Variants in IAH1 observed in about 807,000 individuals in gnomAD.
IAH1 encodes isoamyl acetate hydrolyzing esterase 1 (putative).
Under a neutral mutation model 26.7 loss-of-function variants are expected in IAH1, and 24 were observed. That is an observed-to-expected ratio of 0.90 (90% CI 0.65 to 1.26). IAH1 has a LOEUF of 1.26. Among genes scored for constraint, IAH1 ranks in the 50% most tolerant of loss-of-function variants. The pLI, the probability that IAH1 is intolerant of heterozygous loss-of-function variation, is 0.00. For synonymous variants in IAH1, 140 were observed against 118.5 expected (o/e 1.18, Z -1.18); for missense variants, 300 against 299.9 (o/e 1.00, Z 0.00).
downstream of IAH1, chr2:9,490,076 A>T: frequency 8.8e-7 from 1 of 1,133,332 alleles, no homozygotes; most frequent in Non-Finnish European, 1.2e-6. Flanking sequence ...GCATCTGCTA[A>T]GTCACTTCCC....
chr2:9,495,693 G>A (rs1330143704), intron 6 of IAH1, among the ~76,000 whole-genome samples: 4 of 144,412 alleles, frequency 2.8e-5, no homozygotes, highest in African/African-American at 5.3e-5. Flanking sequence ...CAGCCTGGGC[G>A]AGAGTGAGAC....
At chr2:9,476,128 C>G in intron 2 of IAH1, 89 bp downstream of exon 2, 1 of 1,146,306 alleles carries the variant, frequency 8.7e-7, no homozygotes, top group Non-Finnish European at 1.3e-6. Flanking sequence ...CTGAACAGAA[C>G]ATTCCTCCTT....
chr2:9,477,018 C>A (rs923362440), intron 2 of IAH1, among the ~76,000 whole-genome samples: 1 of 152,122 alleles, frequency 6.6e-6, no homozygotes, highest in African/African-American at 2.4e-5. Flanking sequence ...GTAGCTGGGA[C>A]CAACAGGCAC....
chr2:9,482,689 T>C, intron 4 of IAH1, among the ~76,000 whole-genome samples: 1 of 152,334 alleles, frequency 6.6e-6, no homozygotes, highest in East Asian at 1.9e-4. Flanking sequence ...AGTGGGGTTG[T>C]AGCTATGTCC....
At chr2:9,511,767 T>C in the IAH1 span, among the ~76,000 whole-genome samples, 1 of 152,118 alleles carries the variant, frequency 6.6e-6, no homozygotes, top group African/African-American at 2.4e-5. Context: ...GGTCAGGAGT[T>C]CCAGACCAGA....
intron 6 of IAH1, chr2:9,496,239 C>G (rs1662590679): frequency 6.6e-6 from 1 of 152,224 alleles, no homozygotes; most frequent in Non-Finnish European, 1.5e-5. Context: ...AGCAATTCTC[C>G]TGCCTCAGCC....
chr2:9,475,708 C>T (rs548061696), intron 1 of IAH1: 27 of 473,064 alleles, frequency 5.7e-5, no homozygotes, highest in African/African-American at 1.8e-4. Context: ...GCCATGTTGA[C>T]CAGGCTGGTC....
At position 9,484,506 on chromosome 2, in the gene IAH1, G is replaced by A; in HGVS notation, c.520G>A (p.Gly174Arg). ...NACLQVAQDC[G>R]TDVLDLWTLM... is the part of the protein sequence containing the mutation. ...GTGTTTACAAGTGGCCCAAGACTGT[G>A]GGACTGACGTACTTGACCTGTGGAC... The change falls in exon 5 of 6, where the codon GGG (glycine) becomes AGG (arginine). Residue 174 changes from glycine (G) to arginine (R), a missense_variant. Gly to Arg is a moderately radical substitution (Grantham distance 125, BLOSUM62 -2). Coordinates refer to ENST00000497473, the MANE Select transcript of IAH1 (RefSeq NM_001039613.3). 1 of 1,614,118 alleles carries A rather than the reference G, an allele frequency of 6.2e-7. No individual in the cohort carries two copies. Among genetic ancestry groups the A allele is most frequent in the Non-Finnish European group, 8.5e-7 (1 of 1,179,988 alleles).
downstream of IAH1, among the ~76,000 whole-genome samples, chr2:9,498,651 C>T (rs1572891291): frequency 6.6e-6 from 1 of 152,274 alleles, no homozygotes; most frequent in East Asian, 1.9e-4. Flanking sequence ...AGGCACTTTG[C>T]CTCTGGTTCT....
chr2:9,504,257 C>T, the IAH1 span, among the ~76,000 whole-genome samples: 2 of 151,340 alleles, frequency 1.3e-5, no homozygotes, highest in East Asian at 1.9e-4. Flanking sequence ...CCATCCTGGC[C>T]AACATGCTAA....
In IAH1 at chr2:9,489,724, G is replaced by GAA. The variant is rs1661936439; in HGVS notation, c.*1395_*1396insAA. ...TTATCTCCTTTGTTTTTAGTTGAAG[G>GAA]CAAAAAAAAAAAAAAAAAAAAAAAA... On this transcript the variant is annotated 3_prime_UTR_variant, in exon 6 of 6. Transcript: ENST00000497473. 3 of 45,688 alleles carry GAA rather than the reference G, an allele frequency of 6.6e-5. No homozygotes were observed. Among genetic ancestry groups the GAA allele is most frequent in the Admixed American group, 2.6e-4 (1 of 3,886 alleles). 2.8% of individuals were successfully genotyped at this position (45,688 alleles called of 1,614,324 possible).
downstream of IAH1, chr2:9,493,137 C>T: frequency 8.1e-6 from 5 of 617,752 alleles, no homozygotes; most frequent in South Asian, 1.1e-4. Flanking sequence ...CTGTATTACA[C>T]CACACCATCT....
intron 1 of IAH1, among the ~76,000 whole-genome samples, chr2:9,475,385 G>C (rs537426312): frequency 6.6e-6 from 1 of 152,258 alleles, no homozygotes; most frequent in Admixed American, 6.5e-5. Context: ...GTATGAAAAA[G>C]TGTTCACCCT....
chr2:9,511,708 C>T, the IAH1 span, among the ~76,000 whole-genome samples: 1 of 152,098 alleles, frequency 6.6e-6, no homozygotes, highest in Non-Finnish European at 1.5e-5. Context: ...CAGTGGCTCA[C>T]GCCTGGAATT....
In IAH1 at chr2:9,489,692, A is replaced by G. The variant is rs1661930689; in HGVS notation, c.*1363A>G. ...GACCCACAATTTAGAGACAATGTAT[A>G]CTAGATTTATCTCCTTTGTTTTTAG... On this transcript the variant is annotated 3_prime_UTR_variant, in exon 6 of 6. Coordinates refer to ENST00000497473, the MANE Select transcript of IAH1 (RefSeq NM_001039613.3). The G allele has an allele frequency of 6.7e-6, 1 of 148,326 alleles. No individual in the cohort carries two copies. The highest frequency in any genetic ancestry group is 1.5e-5 in the Non-Finnish European group (1 of 67,536). 9.2% of individuals were successfully genotyped at this position (148,326 alleles called of 1,614,324 possible).
At chr2:9,484,393 G>T (rs1348947877) in intron 4 of IAH1, 39 bp from the exon 5 acceptor site, 1 of 1,491,066 alleles carries the variant, frequency 6.7e-7, no homozygotes, top group Non-Finnish European at 9.4e-7. Context: ...CCAGCACTTG[G>T]GTTTACCAAC....
the IAH1 span, among the ~76,000 whole-genome samples, chr2:9,503,699 C>T: frequency 1.3e-4 from 19 of 151,850 alleles, no homozygotes; most frequent in African/African-American, 4.6e-4. Context: ...ATTAGCTGGG[C>T]GTGGTGGTGC....
In IAH1 at chr2:9,481,337, A is replaced by G; in HGVS notation, c.335A>G (p.Lys112Arg). 1 of 1,614,204 alleles carries G rather than the reference A, an allele frequency of 6.2e-7. No individual in the cohort carries two copies. The highest frequency in any genetic ancestry group is 8.5e-7 in the Non-Finnish European group (1 of 1,180,034). The change falls in exon 4 of 6, where the codon AAG becomes AGG. Residue 112 changes from lysine to arginine, a missense_variant. Coordinates refer to ENST00000497473, the MANE Select transcript of IAH1 (RefSeq NM_001039613.3). The stretch of plus-strand genomic sequence containing the variant: ...CTGGAGGAGTACGCTGCGAACCTAA[A>G]GAGCATGGTGCAGTACCTGAAGTCC... ...IPLEEYAANL[K>R]SMVQYLKSVD...
the IAH1 span, among the ~76,000 whole-genome samples, chr2:9,501,742 A>T: frequency 6.6e-6 from 1 of 152,340 alleles, no homozygotes; most frequent in African/African-American, 2.4e-5. Flanking sequence ...TTTTGCTATT[A>T]GGATGTAGCC....
Sources: gnomAD v4.1 joint callset for allele counts (sites outside exome capture counted in the v4.1 genomes callset) on GRCh38, gnomAD v4.1.1 for gene constraint, MANE v1.5 for transcripts, NCBI Gene and HGNC (gene_info 2026-07-23, HGNC 2026-07-21) for gene names.